Variants in UBE4B observed in about 807,000 individuals in gnomAD.
UBE4B encodes the protein ubiquitin conjugation factor E4 B.
UBE4B carries 27 observed loss-of-function variants against 148.1 expected under a neutral mutation model. That is an observed-to-expected ratio of 0.18 (90% confidence interval 0.13 to 0.25). The LOEUF (loss-of-function observed/expected upper bound fraction) is 0.25, where lower values mean the gene tolerates loss of function less well. Ranked by LOEUF, UBE4B falls within the 10% of genes least tolerant of loss-of-function variation. The pLI, the probability that UBE4B is intolerant of heterozygous loss-of-function variation, is 1.00. For missense variants in UBE4B, 1,170 were observed against 1,662.4 expected, an observed-to-expected ratio of 0.70 and a Z score of 5.15; for synonymous variants, 596 against 619.3, an observed-to-expected ratio of 0.96 and a Z score of 0.56.
At position 10,033,491 on chromosome 1, in the gene UBE4B, C is replaced by A; in HGVS notation, c.-180C>A. 1 of 590,884 alleles carries A rather than the reference C, an allele frequency of 1.7e-6. No individual in the cohort carries two copies. The highest frequency in any genetic ancestry group is 2.6e-6 in the Non-Finnish European group (1 of 382,942). The allele number at this position is 590,884 out of a possible 1,614,324, so 36.6% of individuals were successfully genotyped here. A position where few individuals can be genotyped will look rare whatever the true frequency, so the allele number is the denominator to read the frequency against. The stretch of plus-strand genomic sequence containing the variant: ...GTGGGGCGACTGGAGTGACCGAAGC[C>A]AAGGCAGTTTAGTGCCTCTCGTGTT... On this transcript the variant is annotated 5_prime_UTR_variant, in exon 1 of 28. Transcript: ENST00000343090.
chr1:10,164,328 A>C (rs1252571266), intron 23 of UBE4B, among the ~76,000 whole-genome samples: 1 of 152,036 alleles, frequency 6.6e-6, no homozygotes. Context: ...AGCCTGGGCA[A>C]CAGAGCGAGA....
chr1:10,078,888 C>T (rs1644628183), intron 2 of UBE4B, among the ~76,000 whole-genome samples: 1 of 152,146 alleles, frequency 6.6e-6, no homozygotes, highest in Non-Finnish European at 1.5e-5. Context: ...GCGACCATAG[C>T]TCATTGCGGC....
intron 2 of UBE4B, among the ~76,000 whole-genome samples, chr1:10,094,394 A>C (rs190132299): frequency 4.5e-4 from 68 of 152,088 alleles, no homozygotes; most frequent in Non-Finnish European, 2.1e-4. Flanking sequence ...AGAATTTTGC[A>C]GGGAACACCC....
chr1:10,033,646 G>A lies in UBE4B; in HGVS notation c.-25G>A, dbSNP rs750859365. ...GAGAACAGAAGGATCTCTCCTTAAC[G>A]CCTTTCACCATTAAGAGGAAAGCGA... is the stretch of plus-strand genomic sequence containing the variant. On this transcript the variant is annotated 5_prime_UTR_variant, in exon 1 of 28. Coordinates refer to ENST00000343090, the MANE Select transcript of UBE4B (RefSeq NM_001105562.3). 1.3e-6 allele frequency: 2 copies of A among 1,557,874 alleles called. No homozygotes were observed. The highest frequency in any genetic ancestry group is 2.4e-5 in the South Asian group (2 of 84,242).
intron 17 of UBE4B, among the ~76,000 whole-genome samples, chr1:10,142,884 G>A (rs928319177): frequency 6.6e-6 from 1 of 151,910 alleles, no homozygotes; most frequent in African/African-American, 2.4e-5. Context: ...GAGGTGGGTG[G>A]ATCACTTGAA....
chr1:10,075,500 A>C (rs1289724205), intron 2 of UBE4B, among the ~76,000 whole-genome samples: 1 of 152,258 alleles, frequency 6.6e-6, no homozygotes, highest in Admixed American at 6.5e-5. Flanking sequence ...GCATAAGTGC[A>C]ACACTGTGTA....
chr1:10,043,328 C>T (rs1285581459), intron 1 of UBE4B, among the ~76,000 whole-genome samples: 1 of 151,164 alleles, frequency 6.6e-6, no homozygotes, highest in East Asian at 2.0e-4. Context: ...TAAAAACTTA[C>T]TGAGATCTCA....
At chr1:10,128,048 T>C (rs2101936772) in intron 11 of UBE4B, among the ~76,000 whole-genome samples, 3 of 152,338 alleles carry the variant, frequency 2.0e-5, no homozygotes, top group Non-Finnish European at 4.4e-5. Flanking sequence ...CCTGGTAAAA[T>C]TATTTGAATC....
At chr1:10,155,231 C>T (rs1646049832) in intron 21 of UBE4B, among the ~76,000 whole-genome samples, 5 of 152,102 alleles carry the variant, frequency 3.3e-5, no homozygotes, top group Admixed American at 2.6e-4. Context: ...TCTCTCTTTC[C>T]TCTTTGCCAT....
At chr1:10,084,678 TTTTC>T (rs1174308171) in intron 2 of UBE4B, among the ~76,000 whole-genome samples, 3 of 152,052 alleles carry the variant, frequency 2.0e-5, no homozygotes, top group African/African-American at 4.8e-5. Flanking sequence ...GTTTTCCTTT[TTTTC>T]TTTCTTTCTT....
In UBE4B at chr1:10,139,291, T is replaced by C. The variant is rs148029070; in HGVS notation, c.2363+2086T>C. On this transcript the variant is annotated intron_variant, in intron 17 of 27. Transcript: ENST00000343090. ...CTGTAATCCCAGCTACTTGGGAGGC[T>C]ATAGCAGGAGAGTCGCTTGAACCCG... Among the ~76,000 whole-genome samples the C allele has an allele frequency of 4.8e-3, 723 of 152,052 alleles. 9 individuals carry two copies. The highest frequency in any genetic ancestry group is 0.016 in the African/African-American group (679 of 41,454).
Position 10,048,480 on chromosome 1 carries a change from A to T in UBE4B, c.24+14786A>T, listed in dbSNP as rs76270909. ...AGTGAGCATAAATGCGGAAGACAAG[A>T]GGACTGAGCCTCCATCCATTCCAGC... On this transcript the variant is annotated intron_variant, in intron 1 of 27. Transcript: ENST00000343090. 4.5e-4 allele frequency among the ~76,000 whole-genome samples: 69 copies of T among 152,288 alleles called. No individual in the cohort carries two copies. In the East Asian group the frequency reaches 0.013, roughly 28 times the overall value.
At chr1:10,137,921 CTTTTTTTTTTTTTTT>C (rs70998351) in intron 17 of UBE4B, among the ~76,000 whole-genome samples, 23 of 67,034 alleles carry the variant, frequency 3.4e-4, no homozygotes, top group African/African-American at 1.2e-3. Flanking sequence ...CTTACTAATT[CTTTTTTTTTTTTTTT>C]TTTTTTTTTT....
At chr1:10,062,723 G>A (rs778473726) in intron 1 of UBE4B, among the ~76,000 whole-genome samples, 2 of 152,190 alleles carry the variant, frequency 1.3e-5, no homozygotes, top group Non-Finnish European at 2.9e-5. Context: ...TTGGGTGAGT[G>A]AGGCAAGTGG....
chr1:10,035,589 G>C (rs1253619398), intron 1 of UBE4B, among the ~76,000 whole-genome samples: 1 of 148,384 alleles, frequency 6.7e-6, no homozygotes, highest in Non-Finnish European at 1.5e-5. Flanking sequence ...TGTGTTTTTA[G>C]TAGAGACGGG....
intron 8 of UBE4B, among the ~76,000 whole-genome samples, chr1:10,118,199 A>C (rs2101916603): frequency 6.6e-6 from 1 of 151,492 alleles, no homozygotes; most frequent in South Asian, 2.1e-4. Flanking sequence ...TTCCTATTTC[A>C]TTTTCTGATT....
chr1:10,063,907 A>C (rs1019725813), intron 1 of UBE4B, among the ~76,000 whole-genome samples: 2 of 150,980 alleles, frequency 1.3e-5, no homozygotes, highest in African/African-American at 4.9e-5. Flanking sequence ...AAACTGTCTC[A>C]ATGAAAAAAA....
chr1:10,070,929 G>A (rs557159132), intron 1 of UBE4B, among the ~76,000 whole-genome samples: 1 of 151,828 alleles, frequency 6.6e-6, no homozygotes, highest in South Asian at 2.1e-4. Context: ...AATTTATTTT[G>A]GAGGTGGAGT....
chr1:10,060,677 C>T (rs1223630218), intron 1 of UBE4B, among the ~76,000 whole-genome samples: 1 of 152,132 alleles, frequency 6.6e-6, no homozygotes, highest in Non-Finnish European at 1.5e-5. Context: ...AGAAAATAAG[C>T]CATTCTTTAA....
Sources: gnomAD v4.1 joint callset for allele counts (sites outside exome capture counted in the v4.1 genomes callset) on GRCh38, gnomAD v4.1.1 for gene constraint, MANE v1.5 for transcripts, NCBI Gene and HGNC (gene_info 2026-07-23, HGNC 2026-07-21) for gene names.